Variants in ABTB3 observed in about 807,000 individuals in gnomAD.
ABTB3 encodes ankyrin repeat- and BTB/POZ domain-containing protein 3.
At chr12:107,580,874 G>A in the ABTB3 span, 1 of 1,549,994 alleles carries the variant, frequency 6.5e-7, no homozygotes, top group Non-Finnish European at 8.7e-7. Context: ...TTACCTCCTA[G>A]CCTTTCCTAG....
the ABTB3 span, among the ~76,000 whole-genome samples, chr12:107,655,458 G>A: frequency 6.6e-6 from 1 of 152,184 alleles, no homozygotes; most frequent in South Asian, 2.1e-4. Flanking sequence ...CCCCTGTGCT[G>A]TGGATGCTGC....
At chr12:107,577,869 G>A in the ABTB3 span, among the ~76,000 whole-genome samples, 17,937 of 152,122 alleles carry the variant, frequency 0.12, 1,171 homozygotes, top group African/African-American at 0.16. Context: ...ATTTTAACAA[G>A]TTCTTCATGT....
chr12:107,658,524 T>C, the ABTB3 span: 1 of 152,644 alleles, frequency 6.6e-6, no homozygotes, highest in African/African-American at 2.4e-5. Flanking sequence ...CTAATCGTGG[T>C]TTCGGGGTGA....
At chr12:107,318,529 C>G in the ABTB3 span, 1 of 158,676 alleles carries the variant, frequency 6.3e-6, no homozygotes, top group Non-Finnish European at 1.4e-5. Flanking sequence ...CAGCTGCCCG[C>G]GGAGCTGCGG....
the ABTB3 span, among the ~76,000 whole-genome samples, chr12:107,587,220 C>T: frequency 6.6e-6 from 1 of 152,214 alleles, no homozygotes; most frequent in African/African-American, 2.4e-5. Context: ...TGGCAGTATC[C>T]TGCAGGGGGT....
At chr12:107,402,688 C>T in the ABTB3 span, among the ~76,000 whole-genome samples, 21 of 152,308 alleles carry the variant, frequency 1.4e-4, no homozygotes, top group African/African-American at 3.8e-4. Flanking sequence ...CCACTGCCTC[C>T]GCCGCCAGGA....
chr12:107,353,800 T>C, the ABTB3 span, among the ~76,000 whole-genome samples: 1 of 152,164 alleles, frequency 6.6e-6, no homozygotes, highest in Non-Finnish European at 1.5e-5. Context: ...GAACTGTGCA[T>C]GTGAGGGATC....
chr12:107,615,096 C>G, the ABTB3 span: 3 of 1,613,950 alleles, frequency 1.9e-6, no homozygotes, highest in African/African-American at 1.3e-5. Flanking sequence ...CATCCGTCCA[C>G]CCCGAGACCC....
At chr12:107,582,593 G>A in the ABTB3 span, among the ~76,000 whole-genome samples, 5 of 152,178 alleles carry the variant, frequency 3.3e-5, no homozygotes, top group African/African-American at 4.8e-5. Flanking sequence ...ACCATGTGAC[G>A]GTTATCAATT....
At chr12:107,342,262 G>A in the ABTB3 span, among the ~76,000 whole-genome samples, 1 of 151,998 alleles carries the variant, frequency 6.6e-6, no homozygotes, top group African/African-American at 2.4e-5. Context: ...TTTGGGGGGA[G>A]GGGGTGGTGG....
chr12:107,391,066 G>A, the ABTB3 span, among the ~76,000 whole-genome samples: 3 of 152,202 alleles, frequency 2.0e-5, no homozygotes, highest in East Asian at 1.9e-4. Context: ...CAGGAGAATC[G>A]CTTGAACCTG....
chr12:107,367,663 C>A, the ABTB3 span, among the ~76,000 whole-genome samples: 3 of 151,972 alleles, frequency 2.0e-5, no homozygotes, highest in Non-Finnish European at 4.4e-5. Context: ...ACGGCACCAC[C>A]CTGGCTAATT....
the ABTB3 span, among the ~76,000 whole-genome samples, chr12:107,509,901 C>G: frequency 1.3e-5 from 2 of 152,206 alleles, no homozygotes; most frequent in Admixed American, 1.3e-4. Context: ...ATTCCTAAAT[C>G]TTTAGTTTCA....
At chr12:107,482,525 T>C in the ABTB3 span, among the ~76,000 whole-genome samples, 1 of 152,132 alleles carries the variant, frequency 6.6e-6, no homozygotes. Context: ...AGAGCCCTGA[T>C]CTAGGAGCTG....
chr12:107,441,170 T>A, the ABTB3 span, among the ~76,000 whole-genome samples: 7 of 152,146 alleles, frequency 4.6e-5, no homozygotes, highest in South Asian at 4.1e-4. Context: ...CACATATTCA[T>A]TGCAGCACTA....
the ABTB3 span, among the ~76,000 whole-genome samples, chr12:107,523,042 A>G: frequency 1.3e-5 from 2 of 152,188 alleles, no homozygotes; most frequent in African/African-American, 4.8e-5. Flanking sequence ...ATGGAATTGA[A>G]GCATTGATCA....
chr12:107,491,533 A>G, the ABTB3 span, among the ~76,000 whole-genome samples: 27 of 152,066 alleles, frequency 1.8e-4, no homozygotes, highest in Admixed American at 1.0e-3. Flanking sequence ...ACCATGAGCC[A>G]TTTTCATTCA....
chr12:107,384,340 A>G, the ABTB3 span, among the ~76,000 whole-genome samples: 1 of 152,170 alleles, frequency 6.6e-6, no homozygotes, highest in African/African-American at 2.4e-5. Context: ...GTTAACCAGT[A>G]TGTGACCATT....
At chr12:107,416,466 T>C in the ABTB3 span, among the ~76,000 whole-genome samples, 1 of 152,154 alleles carries the variant, frequency 6.6e-6, no homozygotes, top group Admixed American at 6.5e-5. Flanking sequence ...CCTGAGGCCC[T>C]GTGATCTTTG....
Sources: gnomAD v4.1 joint callset for allele counts (sites outside exome capture counted in the v4.1 genomes callset) on GRCh38, gnomAD v4.1.1 for gene constraint, MANE v1.5 for transcripts, NCBI Gene and HGNC (gene_info 2026-07-23, HGNC 2026-07-21) for gene names.